Variants in ATP6V0A2 observed in about 807,000 individuals in gnomAD.
ATP6V0A2 encodes the protein ATPase H+ transporting V0 subunit a2, also known as V-type proton ATPase 116 kDa subunit a 2.
ATP6V0A2 carries 58 observed loss-of-function variants against 104.4 expected under a neutral mutation model. The ratio of observed to expected loss-of-function variants is 0.56; its 90% CI spans 0.45 to 0.69. ATP6V0A2 has a LOEUF of 0.69. Among genes scored for constraint, ATP6V0A2 ranks in the 30% least tolerant of loss-of-function variants. ATP6V0A2 has a pLI of 0.00. For missense variants in ATP6V0A2, 938 were observed against 1,062.9 expected, an observed-to-expected ratio of 0.88 and a Z score of 1.63; for synonymous variants, 376 against 397.9, an observed-to-expected ratio of 0.95 and a Z score of 0.65.
chr12:123,728,006 A>G, intron 6 of ATP6V0A2, 97 bp downstream of exon 6: 1 of 1,527,016 alleles, frequency 6.5e-7, no homozygotes, highest in Non-Finnish European at 9.0e-7. Context: ...CCATTTGATA[A>G]TAAGTTGTTA....
At position 123,744,927 on chromosome 12, in the gene ATP6V0A2, C is replaced by T. The variant is rs1555298555; in HGVS notation, c.1560C>T (p.Ser520=). 1 of 1,614,250 alleles carries T rather than the reference C, an allele frequency of 6.2e-7. No individual in the cohort carries two copies. Among genetic ancestry groups the T allele is most frequent in the Non-Finnish European group, 8.5e-7 (1 of 1,180,052 alleles). ...RHNSILQLDP[S]IPGVFRGPYP... is the part of the protein sequence containing the mutation. ...ACAGCATTTTGCAGCTGGATCCAAGCATTCCTGGAGTGTTCCGAGGCCCTT... is the reference window on the plus strand; with the variant it reads ...ACAGCATTTTGCAGCTGGATCCAAGTATTCCTGGAGTGTTCCGAGGCCCTT... Residue 520 remains serine (S), a synonymous_variant, in exon 13 of 20, where the codon AGC becomes AGT. Transcript: ENST00000330342. This position sits in a 1 kb window ranked among gnomAD's most constrained non-coding sequence, Gnocchi z 5.4.
Position 123,747,619 on chromosome 12 carries a change from G to A in ATP6V0A2, c.1618G>A (p.Ala540Thr). 2 of 1,611,054 alleles carry A rather than the reference G, an allele frequency of 1.2e-6. No homozygotes were observed. The highest frequency in any genetic ancestry group is 1.7e-6 in the Non-Finnish European group (2 of 1,177,208). ...GGTTTGGTTTTAGATTTGGAACTTG[G>A]CCACAAATCGCCTCACTTTTCTAAA... Reference protein sequence around the residue: ...PLGIDPIWNLATNRLTFLNSF... With the variant: ...PLGIDPIWNLTTNRLTFLNSF... The change falls in exon 14 of 20, where the codon GCC (alanine) becomes ACC (threonine). Residue 540 changes from alanine (A) to threonine (T), a missense_variant. By Grantham distance (58) the Ala-to-Thr change is moderately conservative (BLOSUM62 0). Coordinates refer to ENST00000330342, the MANE Select transcript of ATP6V0A2 (RefSeq NM_012463.4).
chr12:123,745,987 C>A (rs1006898685), intron 13 of ATP6V0A2, among the ~76,000 whole-genome samples: 1 of 152,184 alleles, frequency 6.6e-6, no homozygotes, highest in East Asian at 1.9e-4. Flanking sequence ...TTAGTGTGTT[C>A]TGTTTATTCT....
intron 1 of ATP6V0A2, among the ~76,000 whole-genome samples, chr12:123,717,589 C>T (rs988685082): frequency 1.5e-4 from 22 of 151,608 alleles, no homozygotes; most frequent in African/African-American, 4.4e-4. Context: ...GGACCACAGG[C>T]GTGCACCACC....
intron 6 of ATP6V0A2, chr12:123,731,080 G>A (rs1026575994): frequency 5.3e-5 from 8 of 152,204 alleles, no homozygotes; most frequent in Admixed American, 2.6e-4. Context: ...ATGGATAGAT[G>A]TATATCTTGA....
At position 123,744,167 on chromosome 12, in the gene ATP6V0A2, G is replaced by A; in HGVS notation, c.1190-34G>A. 1 of 1,613,856 alleles carries A rather than the reference G, an allele frequency of 6.2e-7. No homozygotes were observed. The highest frequency in any genetic ancestry group is 8.5e-7 in the Non-Finnish European group (1 of 1,179,890). On this transcript the variant is annotated intron_variant, in intron 10 of 19. Coordinates refer to ENST00000330342, the MANE Select transcript of ATP6V0A2 (RefSeq NM_012463.4). This position sits in a 1 kb window ranked among gnomAD's most constrained non-coding sequence, Gnocchi z 5.4. Reference sequence around the variant, plus strand: ...TGAACTCAGGTTTTCCATATTTGCTGTGAATCAGAAATCTCTTTCCCTTTT... The same window carrying A: ...TGAACTCAGGTTTTCCATATTTGCTATGAATCAGAAATCTCTTTCCCTTTT...
intron 18 of ATP6V0A2, chr12:123,754,828 C>T (rs190545586): frequency 4.9e-4 from 222 of 454,736 alleles, no homozygotes; most frequent in African/African-American, 1.1e-3. Flanking sequence ...AGAACTGAGA[C>T]GGCTTGGGAG....
chr12:123,716,800 AAAAG>A (rs1433575048), intron 1 of ATP6V0A2, among the ~76,000 whole-genome samples: 1 of 152,066 alleles, frequency 6.6e-6, no homozygotes, highest in Admixed American at 6.6e-5. Flanking sequence ...AAAAAAAAAA[AAAAG>A]AGTTTATAGA....
At chr12:123,743,708 A>C (rs2135908913) in intron 9 of ATP6V0A2, 77 bp from the exon 10 acceptor site, 1 of 1,537,254 alleles carries the variant, frequency 6.5e-7, no homozygotes, top group South Asian at 1.1e-5. Context: ...ACAAAGCAGT[A>C]ACCCAGATTC....
At chr12:123,714,945 C>T (rs907111641) in intron 1 of ATP6V0A2, among the ~76,000 whole-genome samples, 3 of 151,920 alleles carry the variant, frequency 2.0e-5, no homozygotes, top group Admixed American at 6.6e-5. Context: ...CTGGGCATGG[C>T]GGGGTGTGCC....
chr12:123,754,233 A>G, intron 17 of ATP6V0A2, 187 bp from the exon 18 acceptor site: 1 of 628,570 alleles, frequency 1.6e-6, no homozygotes, highest in Non-Finnish European at 2.9e-6. Context: ...CTGGTCATGG[A>G]GCTGGGTAGT....
intron 7 of ATP6V0A2, among the ~76,000 whole-genome samples, chr12:123,735,141 T>TTGTG (rs1566281667): frequency 2.5e-5 from 2 of 80,464 alleles, no homozygotes; most frequent in Non-Finnish European, 4.9e-5. Context: ...CCTTTTGTTT[T>TTGTG]CGTGTGTGTG....
At chr12:123,752,196 A>G in intron 16 of ATP6V0A2, 87 bp from the exon 17 acceptor site, 1 of 1,555,418 alleles carries the variant, frequency 6.4e-7, no homozygotes, top group Non-Finnish European at 8.8e-7. Flanking sequence ...CTGAATCATT[A>G]AGAGAAACAA....
intron 5 of ATP6V0A2, 121 bp from the exon 6 acceptor site, chr12:123,727,662 G>T: frequency 4.2e-6 from 5 of 1,204,290 alleles, no homozygotes; most frequent in Non-Finnish European, 4.9e-6. Flanking sequence ...ATGTTTTGCA[G>T]TTGGAGGGCT....
chr12:123,718,369 C>T (rs1268937422), intron 1 of ATP6V0A2, among the ~76,000 whole-genome samples: 2 of 151,990 alleles, frequency 1.3e-5, no homozygotes, highest in Admixed American at 6.6e-5. Flanking sequence ...GGATTACAGG[C>T]GTGAGCTACC....
rs544127232 is a variant in ATP6V0A2, at chr12:123,724,444, G to A, written c.295-210G>A. ...TCGGGGAGGCTGAGGCAAGAGAATC[G>A]CTTGAACCCAGGAGGTGGAGGTTGC... On this transcript the variant is annotated intron_variant, in intron 3 of 19. Transcript: ENST00000330342. 1.7e-4 allele frequency: 80 copies of A among 457,546 alleles called. No homozygotes were observed. The Middle Eastern group carries it at 3.6e-3, about 21-fold the overall frequency. 28.3% of individuals were successfully genotyped at this position (457,546 alleles called of 1,614,324 possible). A position where few individuals can be genotyped will look rare whatever the true frequency, so the allele number is the denominator to read the frequency against.
At chr12:123,754,777 C>T in intron 18 of ATP6V0A2, 1 of 526,960 alleles carries the variant, frequency 1.9e-6, no homozygotes, top group East Asian at 3.1e-5. Flanking sequence ...TCAGAGCCTG[C>T]CCAATTTAAA....
At position 123,720,424 on chromosome 12, in the gene ATP6V0A2, C is replaced by T. The variant is rs568137785; in HGVS notation, c.196+1723C>T. On this transcript the variant is annotated intron_variant, in intron 2 of 19. Transcript: ENST00000330342. Reference sequence around the variant, plus strand: ...TTTCAAAAGAATGCAGGGCTGGGCACGATGGCTCACGCCTATAATTCCAGC... The same window carrying T: ...TTTCAAAAGAATGCAGGGCTGGGCATGATGGCTCACGCCTATAATTCCAGC... Among the ~76,000 whole-genome samples, 10 of 152,316 alleles carry T rather than the reference C, an allele frequency of 6.6e-5. No individual in the cohort carries two copies. In the South Asian group the frequency reaches 1.9e-3, roughly 28 times the overall value.
In ATP6V0A2 at chr12:123,752,369, G is replaced by A. The variant is rs761257783; in HGVS notation, c.2142G>A (p.Val714=). 1.2e-6 allele frequency: 2 copies of A among 1,614,134 alleles called. No individual in the cohort carries two copies. Among genetic ancestry groups the A allele is most frequent in the East Asian group, 2.2e-5 (1 of 44,872 alleles). The change falls in exon 17 of 20, where the codon GTG becomes GTA. Residue 714 remains valine (V), a synonymous_variant. Transcript: ENST00000330342. ...SQDIEEGNHQ[V]EDGCREMACE... is the part of the protein sequence containing the mutation. ...ATATAGAAGAGGGAAATCACCAGGT[G>A]GAAGATGGATGTAGAGAAATGGCGT...
Sources: allele counts gnomAD v4.1 joint callset (sites outside exome capture counted in the v4.1 genomes callset), GRCh38; gene constraint gnomAD v4.1.1; non-coding constraint Gnocchi (gnomAD v3.1); transcripts MANE v1.5; gene names NCBI Gene and HGNC (gene_info 2026-07-23, HGNC 2026-07-21).